The following CLIC4 variants were observed in gnomAD, a reference collection of about 807,000 sequenced individuals.
CLIC4 encodes the protein CLIC family member 4, also known as chloride intracellular channel protein 4.
A neutral mutation model predicts 24.6 loss-of-function variants in CLIC4; 13 were observed. That is an observed-to-expected ratio of 0.53 (90% CI 0.34 to 0.84). CLIC4 has a LOEUF of 0.84. Ranked by LOEUF, CLIC4 falls within the 40% of genes least tolerant of loss-of-function variation. The pLI is 0.01. For missense variants in CLIC4, 227 were observed against 301.7 expected (o/e 0.75, Z 1.83); for synonymous variants, 104 against 111.3 (o/e 0.93, Z 0.41).
intron 1 of CLIC4, among the ~76,000 whole-genome samples, chr1:24,783,617 C>T (rs1639232318): frequency 6.6e-6 from 1 of 152,148 alleles, no homozygotes; most frequent in African/African-American, 2.4e-5. Context: ...GCAGGAGACT[C>T]ACTTGAACCC....
At chr1:24,781,134 A>AT (rs35627731) in intron 1 of CLIC4, among the ~76,000 whole-genome samples, 191 of 97,316 alleles carry the variant, frequency 2.0e-3, no homozygotes, top group Middle Eastern at 6.3e-3. Context: ...AGGTAACTGA[A>AT]TTTTTTTTTT....
intron 3 of CLIC4, among the ~76,000 whole-genome samples, chr1:24,823,292 T>C (rs927892856): frequency 2.0e-5 from 3 of 152,210 alleles, no homozygotes; most frequent in Non-Finnish European, 2.9e-5. Context: ...GGGGAAAGTA[T>C]TTTTGTGTAT....
At chr1:24,836,144 C>G (rs1265071653) in intron 4 of CLIC4, among the ~76,000 whole-genome samples, 4 of 152,150 alleles carry the variant, frequency 2.6e-5, no homozygotes, top group African/African-American at 9.7e-5. Flanking sequence ...GTGTTCCAGA[C>G]TGATTTAAAA....
intron 1 of CLIC4, among the ~76,000 whole-genome samples, chr1:24,764,225 C>T (rs373860815): frequency 2.0e-5 from 3 of 152,212 alleles, no homozygotes; most frequent in East Asian, 3.9e-4. Flanking sequence ...CTCAGCCTCT[C>T]GAGTAGCTGG....
intron 3 of CLIC4, among the ~76,000 whole-genome samples, chr1:24,816,935 A>G (rs1423350229): frequency 6.6e-6 from 1 of 152,222 alleles, no homozygotes; most frequent in Admixed American, 6.5e-5. Context: ...GAGTAGCTTC[A>G]GTATAATTCT....
At chr1:24,805,082 A>G (rs1252606584) in intron 2 of CLIC4, among the ~76,000 whole-genome samples, 1 of 69,886 alleles carries the variant, frequency 1.4e-5, no homozygotes, top group Non-Finnish European at 2.7e-5. Flanking sequence ...GTGAGACTCC[A>G]TGTCAAAAAA....
chr1:24,792,097 C>T (rs1395922573), intron 1 of CLIC4, among the ~76,000 whole-genome samples: 1 of 148,106 alleles, frequency 6.8e-6, no homozygotes, highest in Admixed American at 6.8e-5. Context: ...CACAGTTTTA[C>T]TGTATATACA....
Position 24,797,805 on chromosome 1 carries a change from T to G in CLIC4, c.136T>G (p.Trp46Gly). ...PFSQRLFMIL[W>G]LKGVVFSVTT... ...TTCCCAGAGGCTCTTCATGATTCTT[T>G]GGCTCAAAGGAGTTGTATTTAGTGT... The change falls in exon 2 of 6, where the codon TGG (tryptophan) becomes GGG (glycine). Residue 46 changes from tryptophan to glycine, a missense_variant. Trp to Gly is a radical substitution (Grantham distance 184). Transcript: ENST00000374379. The G allele has an allele frequency of 1.2e-6, 2 of 1,613,796 alleles. No homozygotes were observed. Among genetic ancestry groups the G allele is most frequent in the Non-Finnish European group, 1.7e-6 (2 of 1,179,902 alleles).
rs561523117 is a variant in CLIC4, at chr1:24,799,258, G to A, written c.182+1407G>A. ...AGGAAGTGAGGAGCGTCTCTGCCCG[G>A]CCGCCCATCGTCTGAGATGTGGGGA... On this transcript the variant is annotated intron_variant, in intron 2 of 5. Transcript: ENST00000374379. Among the ~76,000 whole-genome samples the A allele has an allele frequency of 2.2e-3, 334 of 151,092 alleles. 2 individuals carry two copies. Among genetic ancestry groups the A allele is most frequent in the African/African-American group, 7.6e-3 (311 of 40,982 alleles).
rs183525132 is a variant in CLIC4 at position 24,787,600 on chromosome 1, G to A, written c.73-10142G>A. On this transcript the variant is annotated intron_variant, in intron 1 of 5. Transcript: ENST00000374379. Reference sequence around the variant, plus strand: ...CACCCAGGCTGGAGTGCAGTGGCGCGATCTCTGCTCACTGCAAGCTCCGCC... The same window carrying A: ...CACCCAGGCTGGAGTGCAGTGGCGCAATCTCTGCTCACTGCAAGCTCCGCC... 9.4e-4 allele frequency among the ~76,000 whole-genome samples: 142 copies of A among 151,688 alleles called. 1 individual carries two copies. Among genetic ancestry groups the A allele is most frequent in the African/African-American group, 3.3e-3 (138 of 41,356 alleles).
intron 3 of CLIC4, among the ~76,000 whole-genome samples, chr1:24,818,945 A>G (rs1639698965): frequency 6.6e-6 from 1 of 151,970 alleles, no homozygotes; most frequent in African/African-American, 2.4e-5. Flanking sequence ...ATAGTATGTA[A>G]TGTATATTAT....
At position 24,791,941 on chromosome 1, in the gene CLIC4, C is replaced by G. The variant is rs189140188; in HGVS notation, c.73-5801C>G. On this transcript the variant is annotated intron_variant, in intron 1 of 5. Transcript: ENST00000374379. Reference sequence around the variant, plus strand: ...GTGGGCGCCTGTACTCCCAGCTGCTCGGGAGGCTGAGGCAGGAGAATGGCC... The same window carrying G: ...GTGGGCGCCTGTACTCCCAGCTGCTGGGGAGGCTGAGGCAGGAGAATGGCC... Among the ~76,000 whole-genome samples the G allele has an allele frequency of 4.5e-3, 677 of 150,590 alleles. 2 individuals are homozygous for G. The highest frequency in any genetic ancestry group is 7.5e-3 in the Non-Finnish European group (511 of 67,746).
At chr1:24,821,391 A>G (rs1438874105) in intron 3 of CLIC4, among the ~76,000 whole-genome samples, 5 of 152,184 alleles carry the variant, frequency 3.3e-5, no homozygotes, top group African/African-American at 9.7e-5. Flanking sequence ...TTCTAGCCCC[A>G]TTATATTTGA....
chr1:24,781,782 C>T (rs1639208810), intron 1 of CLIC4, among the ~76,000 whole-genome samples: 2 of 151,590 alleles, frequency 1.3e-5, no homozygotes. Flanking sequence ...TCCCAAGTAG[C>T]TGGGATTACA....
At chr1:24,807,759 TCC>T (rs1217434189) in intron 2 of CLIC4, among the ~76,000 whole-genome samples, 1 of 152,174 alleles carries the variant, frequency 6.6e-6, no homozygotes, top group Non-Finnish European at 1.5e-5. Context: ...AAGACCTTCT[TCC>T]CCTTTATCTA....
chr1:24,793,704 C>T (rs949239017), intron 1 of CLIC4, among the ~76,000 whole-genome samples: 7 of 151,372 alleles, frequency 4.6e-5, no homozygotes, highest in South Asian at 2.1e-4. Context: ...AAAGAATGAT[C>T]GGATTTTTTT....
chr1:24,763,077 CTTT>C (rs887857529), intron 1 of CLIC4, among the ~76,000 whole-genome samples: 3 of 152,142 alleles, frequency 2.0e-5, no homozygotes, highest in Non-Finnish European at 2.9e-5. Context: ...CCTCCTACTT[CTTT>C]ACTTGAGGCC....
intron 1 of CLIC4, among the ~76,000 whole-genome samples, chr1:24,790,391 C>T (rs925725870): frequency 3.9e-5 from 6 of 152,096 alleles, no homozygotes; most frequent in African/African-American, 1.4e-4. Flanking sequence ...AGATTTAATA[C>T]TTCTTGCTTC....
intron 1 of CLIC4, among the ~76,000 whole-genome samples, chr1:24,781,308 T>TG (rs1180242580): frequency 1.2e-5 from 1 of 85,128 alleles, no homozygotes; most frequent in Non-Finnish European, 3.0e-5. Flanking sequence ...CAAATTTTTG[T>TG]ATTTTTTTTT....
Sources: allele counts gnomAD v4.1 joint callset (sites outside exome capture counted in the v4.1 genomes callset), GRCh38; gene constraint gnomAD v4.1.1; transcripts MANE v1.5; gene names NCBI Gene and HGNC (gene_info 2026-07-23, HGNC 2026-07-21).